The following ADCY2 variants were observed in gnomAD, a reference collection of about 807,000 sequenced individuals.
The protein encoded by ADCY2 is adenylate cyclase type 2.
In ADCY2, 31 loss-of-function variants were observed where a neutral mutation model predicts 125.2. The observed-to-expected ratio is 0.25, with a 90% confidence interval of 0.19 to 0.33. The LOEUF (loss-of-function observed/expected upper bound fraction) is 0.33. ADCY2 is among the 10% of genes least tolerant of loss of function. ADCY2 has a pLI of 1.00. For synonymous variants in ADCY2, 512 were observed against 548.4 expected, an observed-to-expected ratio of 0.93 and a Z score of 0.93; for missense variants, 904 against 1,418.2, an observed-to-expected ratio of 0.64 and a Z score of 5.82.
chr5:7,748,510 C>T (rs1255979475), intron 15 of ADCY2, among the ~76,000 whole-genome samples: 1 of 128,776 alleles, frequency 7.8e-6, no homozygotes, highest in Non-Finnish European at 1.6e-5. Flanking sequence ...ACATTTCCCC[C>T]CACCCTCCAA....
intron 4 of ADCY2, among the ~76,000 whole-genome samples, chr5:7,638,054 C>T (rs1259321743): frequency 6.6e-6 from 1 of 152,200 alleles, no homozygotes; most frequent in Non-Finnish European, 1.5e-5. Context: ...CGTGAGAAAG[C>T]AGCAACAGAT....
chr5:7,599,751 G>A (rs76680860), intron 3 of ADCY2, among the ~76,000 whole-genome samples: 11 of 152,104 alleles, frequency 7.2e-5, no homozygotes, highest in Middle Eastern at 3.2e-3. Flanking sequence ...CAGAAGAGTC[G>A]CAAGGAATCA....
In ADCY2 at chr5:7,396,761, G is replaced by A. The variant is rs1423672278; in HGVS notation, c.210+255G>A. ...ATAAAGTTCCCGAGGTGTTCACCAG[G>A]TGGACGGGCAGGGCGTGTGCTTTTT... is the stretch of plus-strand genomic sequence containing the variant. On this transcript the variant is annotated intron_variant, in intron 1 of 24. Coordinates refer to ENST00000338316, the MANE Select transcript of ADCY2 (RefSeq NM_020546.3). The surrounding 1 kb of genome is among the most constrained non-coding windows in gnomAD (Gnocchi z 5.7). Among the ~76,000 whole-genome samples the A allele has an allele frequency of 1.3e-5, 2 of 152,164 alleles. No individual in the cohort carries two copies. The highest frequency in any genetic ancestry group is 2.4e-5 in the African/African-American group (1 of 41,462).
At chr5:7,640,875 T>C (rs958676131) in intron 4 of ADCY2, among the ~76,000 whole-genome samples, 4 of 152,236 alleles carry the variant, frequency 2.6e-5, no homozygotes, top group Non-Finnish European at 5.9e-5. Context: ...GATTGTCTTC[T>C]AAGACTAAAG....
Position 7,829,505 on chromosome 5 carries a change from G to A in ADCY2, c.*2634G>A, listed in dbSNP as rs1745580455. The A allele has an allele frequency of 6.6e-6, 1 of 152,540 alleles. No homozygotes were observed. Among genetic ancestry groups the A allele is most frequent in the Non-Finnish European group, 1.5e-5 (1 of 68,014 alleles). The allele number at this position is 152,540 out of a possible 1,614,324, so 9.4% of individuals were successfully genotyped here. ...GAGCAAAAATGCCAGGCAGAAAACT[G>A]GCAGTGCACCTCTCATCAGCCCAGG... On this transcript the variant is annotated 3_prime_UTR_variant, in exon 25 of 25. Coordinates refer to ENST00000338316, the MANE Select transcript of ADCY2 (RefSeq NM_020546.3).
intron 2 of ADCY2, among the ~76,000 whole-genome samples, chr5:7,444,135 A>G (rs1200224797): frequency 2.5e-5 from 3 of 120,734 alleles, no homozygotes; most frequent in Non-Finnish European, 4.9e-5. Flanking sequence ...TTTTTTTGAG[A>G]CGGAGTCTCG....
chr5:7,680,046 A>T (rs1404698054), intron 4 of ADCY2, among the ~76,000 whole-genome samples: 1 of 152,174 alleles, frequency 6.6e-6, no homozygotes, highest in East Asian at 1.9e-4. Context: ...CAAGGTGGAG[A>T]GGAACAGAGG....
In ADCY2 at chr5:7,451,691, T is replaced by C. The variant is rs546861650; in HGVS notation, c.408+36921T>C. Among the ~76,000 whole-genome samples, 80 of 152,278 alleles carry C rather than the reference T, an allele frequency of 5.3e-4. No homozygotes were observed. The South Asian group carries it at 0.016, about 31-fold the overall frequency. On this transcript the variant is annotated intron_variant, in intron 2 of 24. Transcript: ENST00000338316. ...ATTAGTATCATATGCTACAAAGAAATGTTTTTTTGAAAGAAAGAGTACATG... is the reference window on the plus strand; with the variant it reads ...ATTAGTATCATATGCTACAAAGAAACGTTTTTTTGAAAGAAAGAGTACATG...
Position 7,796,891 on chromosome 5 carries a change from G to A in ADCY2, c.2629-5327G>A, listed in dbSNP as rs560382940. On this transcript the variant is annotated intron_variant, in intron 20 of 24. Coordinates refer to ENST00000338316, the MANE Select transcript of ADCY2 (RefSeq NM_020546.3). The stretch of plus-strand genomic sequence containing the variant: ...GAAGACTGCATTTTGTCACCAAATC[G>A]ACCCCGTGCCAAGTCCCCGGGTGGT... The A allele has an allele frequency of 1.4e-3, 218 of 152,328 alleles. 1 individual carries two copies. The highest frequency in any genetic ancestry group is 5.1e-3 in the African/African-American group (214 of 41,558). The allele number at this position is 152,328 out of a possible 1,614,324, so 9.4% of individuals were successfully genotyped here.
intron 16 of ADCY2, among the ~76,000 whole-genome samples, chr5:7,766,222 A>C (rs774300735): frequency 6.6e-6 from 1 of 152,162 alleles, no homozygotes; most frequent in Non-Finnish European, 1.5e-5. Flanking sequence ...TTTTGCCCAT[A>C]AAATTAATTT....
intron 18 of ADCY2, among the ~76,000 whole-genome samples, chr5:7,782,791 A>G (rs888125378): frequency 6.6e-6 from 1 of 152,260 alleles, no homozygotes; most frequent in African/African-American, 2.4e-5. Flanking sequence ...AAAATTCATG[A>G]AAGTCAGAGT....
At chr5:7,464,043 A>G (rs1742019290) in intron 2 of ADCY2, among the ~76,000 whole-genome samples, 1 of 152,206 alleles carries the variant, frequency 6.6e-6, no homozygotes, top group East Asian at 1.9e-4. Context: ...GCATAAATCA[A>G]TAGTTTTTTA....
Position 7,396,579 on chromosome 5 carries a change from G to A in ADCY2, c.210+73G>A. On this transcript the variant is annotated intron_variant, in intron 1 of 24. Coordinates refer to ENST00000338316, the MANE Select transcript of ADCY2 (RefSeq NM_020546.3). The surrounding 1 kb of genome is among the most constrained non-coding windows in gnomAD (Gnocchi z 5.7). ...AGAGGAGCCCGGCCAGCCGAGCCGC[G>A]TCCCGCTCCGGGCTGCCCCTCGGCC... 1 of 1,345,832 alleles carries A rather than the reference G, an allele frequency of 7.4e-7. No homozygotes were observed. The highest frequency in any genetic ancestry group is 9.7e-7 in the Non-Finnish European group (1 of 1,026,310). 83.4% of individuals were successfully genotyped at this position (1,345,832 alleles called of 1,614,324 possible).
chr5:7,763,449 T>A (rs968056317), intron 16 of ADCY2, among the ~76,000 whole-genome samples: 2 of 152,236 alleles, frequency 1.3e-5, no homozygotes, highest in Admixed American at 1.3e-4. Context: ...ATTGAACAAT[T>A]TTTAAACATA....
rs57381383 is a variant in ADCY2 at position 7,512,218 on chromosome 5, C to CAAAAAAAAAAAAAAAAAAAAAAAAAAAAA, written c.409-8498_409-8497insAAAAAAAAAAAAAAAAAAAAAAAAAAAAA. ...CCTGGGCAGTAGAGCATGACTCCAT[C>CAAAAAAAAAAAAAAAAAAAAAAAAAAAAA]AAAAAAAAAAAAAAAAAAAAAAGAA... is the stretch of plus-strand genomic sequence containing the variant. On this transcript the variant is annotated intron_variant, in intron 2 of 24. Transcript: ENST00000338316. 2.1e-4 allele frequency among the ~76,000 whole-genome samples: 12 copies of CAAAAAAAAAAAAAAAAAAAAAAAAAAAAA among 57,904 alleles called. 1 individual carries two copies. The highest frequency in any genetic ancestry group is 2.9e-4 in the Admixed American group (1 of 3,492). 38.0% of individuals were successfully genotyped at this position (57,904 alleles called of 152,430 possible).
intron 3 of ADCY2, among the ~76,000 whole-genome samples, chr5:7,581,196 A>G (rs367619608): frequency 1.3e-5 from 2 of 152,204 alleles, no homozygotes; most frequent in South Asian, 2.1e-4. Context: ...AATTTTAAAA[A>G]CACATATGGA....
chr5:7,450,432 A>G (rs10462840), intron 2 of ADCY2, among the ~76,000 whole-genome samples: 40,242 of 152,110 alleles, frequency 0.26, 6,301 homozygotes, highest in East Asian at 0.61. Context: ...CTTCAATTCT[A>G]TGAAGGCTGA....
rs1374065942 is a variant in ADCY2, at chr5:7,520,667, G to T, written c.409-71G>T. On this transcript the variant is annotated intron_variant, in intron 2 of 24. Transcript: ENST00000338316. ...ATGCTGTTCTATGCAGCCTTTAGTG[G>T]CATGGAAACAGGAGGCTCTTAGAAA... 13 of 1,549,038 alleles carry T rather than the reference G, an allele frequency of 8.4e-6. No individual in the cohort carries two copies. The Admixed American group carries it at 2.0e-4, about 24-fold the overall frequency.
At chr5:7,826,397 A>G (rs1313855009) in intron 24 of ADCY2, among the ~76,000 whole-genome samples, 1 of 152,068 alleles carries the variant, frequency 6.6e-6, no homozygotes, top group African/African-American at 2.4e-5. Context: ...CATAGCCTGG[A>G]TCCAGGCTCA....
Sources: allele counts gnomAD v4.1 joint callset (sites outside exome capture counted in the v4.1 genomes callset), GRCh38; gene constraint gnomAD v4.1.1; non-coding constraint Gnocchi (gnomAD v3.1); transcripts MANE v1.5; gene names NCBI Gene and HGNC (gene_info 2026-07-23, HGNC 2026-07-21).